Variants in ANKS1B observed in about 807,000 individuals in gnomAD.
ANKS1B encodes ankyrin repeat and sterile alpha motif domain containing 1B.
A neutral mutation model predicts 148.3 loss-of-function variants in ANKS1B; 36 were observed. The observed-to-expected ratio is 0.24, with a 90% CI of 0.19 to 0.32. The LOEUF is 0.32. ANKS1B is among the 10% of genes least tolerant of loss of function. The probability of loss-of-function intolerance (pLI) is 1.00; values close to 1 mark genes in which losing one functional copy is unlikely to be tolerated. For missense variants in ANKS1B, 1,157 were observed against 1,542.6 expected, an observed-to-expected ratio of 0.75 and a Z score of 4.19; for synonymous variants, 542 against 560.8, an observed-to-expected ratio of 0.97 and a Z score of 0.47.
At chr12:99,715,128 A>C (rs2057136689) in intron 8 of ANKS1B, among the ~76,000 whole-genome samples, 1 of 143,178 alleles carries the variant, frequency 7.0e-6, no homozygotes, top group Non-Finnish European at 1.6e-5. Context: ...GAGTCCATCT[A>C]AAAATAAAAA....
chr12:99,514,684 TA>T (rs1295778642), intron 9 of ANKS1B, among the ~76,000 whole-genome samples: 1 of 152,078 alleles, frequency 6.6e-6, no homozygotes, highest in African/African-American at 2.4e-5. Context: ...GTGTCAAAGA[TA>T]AAAATGACTA....
chr12:98,882,527 T>C (rs187824395), intron 17 of ANKS1B, among the ~76,000 whole-genome samples: 63 of 152,300 alleles, frequency 4.1e-4, no homozygotes, highest in Admixed American at 3.6e-3. Context: ...CAAAGATTAA[T>C]AACTGCTTTT....
At chr12:99,593,491 C>T (rs1007082660) in intron 9 of ANKS1B, among the ~76,000 whole-genome samples, 1 of 152,074 alleles carries the variant, frequency 6.6e-6, no homozygotes, top group Non-Finnish European at 1.5e-5. Context: ...AATGAACATT[C>T]TCTGCAACAA....
intron 14 of ANKS1B, among the ~76,000 whole-genome samples, chr12:99,181,201 A>G (rs2079072234): frequency 6.6e-6 from 1 of 151,798 alleles, no homozygotes. Context: ...TGTTATAGGG[A>G]TGTTAACCAT....
At chr12:98,864,570 G>A (rs973892358) in intron 17 of ANKS1B, among the ~76,000 whole-genome samples, 4 of 152,172 alleles carry the variant, frequency 2.6e-5, no homozygotes, top group African/African-American at 7.2e-5. Context: ...ACAAAGGACT[G>A]ACCTCCCGCA....
intron 12 of ANKS1B, among the ~76,000 whole-genome samples, chr12:99,392,613 T>C (rs1478651941): frequency 1.3e-5 from 2 of 152,212 alleles, no homozygotes; most frequent in Admixed American, 6.5e-5. Context: ...AAATTCTTCA[T>C]GTGGAAACAA....
At chr12:98,797,378 C>T (rs1419031326) in intron 22 of ANKS1B, among the ~76,000 whole-genome samples, 2 of 152,162 alleles carry the variant, frequency 1.3e-5, no homozygotes, top group Non-Finnish European at 2.9e-5. Context: ...AGTTATTCAA[C>T]CTCTGTAAGC....
intron 12 of ANKS1B, among the ~76,000 whole-genome samples, chr12:99,298,810 T>G (rs940239431): frequency 6.6e-6 from 1 of 152,186 alleles, no homozygotes; most frequent in Non-Finnish European, 1.5e-5. Context: ...AATATTAATA[T>G]TAAAAACTAA....
At chr12:99,097,491 A>G (rs2056586667) in intron 15 of ANKS1B, 2 of 152,202 alleles carry the variant, frequency 1.3e-5, no homozygotes, top group Non-Finnish European at 2.9e-5. Flanking sequence ...ATATCCTTCA[A>G]TTTATGTGTA....
At chr12:99,708,252 G>A (rs2056119385) in intron 8 of ANKS1B, among the ~76,000 whole-genome samples, 1 of 152,136 alleles carries the variant, frequency 6.6e-6, no homozygotes, top group Admixed American at 6.5e-5. Flanking sequence ...TCTCTTTAAT[G>A]ACCCGATGTC....
rs1303067697 is a variant in ANKS1B, at chr12:99,254,209, G to A, written c.1757-7345C>T. ...ATTAACTTTCTGATTTGGTTGCACG[G>A]TGGTTCTGTGGTTGTGTAAGAATGT... On this transcript the variant is annotated intron_variant, in intron 12 of 26. Coordinates refer to ENST00000683438, the MANE Select transcript of ANKS1B (RefSeq NM_001352186.2). Among the ~76,000 whole-genome samples the A allele has an allele frequency of 2.6e-5, 4 of 152,300 alleles. No individual in the cohort carries two copies. In the East Asian group the frequency reaches 7.7e-4, roughly 29 times the overall value.
At chr12:99,400,207 G>A (rs1413764978) in intron 11 of ANKS1B, among the ~76,000 whole-genome samples, 5 of 111,914 alleles carry the variant, frequency 4.5e-5, no homozygotes, top group African/African-American at 1.9e-4. Context: ...TAATAAAAGG[G>A]CCTTACAACA....
At chr12:99,202,997 A>G (rs2082243749) in intron 14 of ANKS1B, among the ~76,000 whole-genome samples, 1 of 152,228 alleles carries the variant, frequency 6.6e-6, no homozygotes, top group Non-Finnish European at 1.5e-5. Flanking sequence ...GCTTAGCCCC[A>G]GAATTAAAAT....
intron 12 of ANKS1B, among the ~76,000 whole-genome samples, chr12:99,317,717 G>A (rs2084407699): frequency 6.6e-6 from 1 of 152,188 alleles, no homozygotes; most frequent in East Asian, 1.9e-4. Context: ...TAGGAGTGGT[G>A]AGAGAGGGCA....
At chr12:99,788,831 C>A (rs1041134698) in intron 4 of ANKS1B, among the ~76,000 whole-genome samples, 1 of 152,042 alleles carries the variant, frequency 6.6e-6, no homozygotes, top group Non-Finnish European at 1.5e-5. Flanking sequence ...CCTAGAAGAA[C>A]CCTCGTGGAC....
chr12:99,811,052 T>G (rs540627192), intron 3 of ANKS1B, among the ~76,000 whole-genome samples: 6 of 152,112 alleles, frequency 3.9e-5, no homozygotes. Flanking sequence ...TTTTGTAACC[T>G]GTAAACATGG....
At chr12:99,821,870 C>T (rs1387077) in intron 2 of ANKS1B, among the ~76,000 whole-genome samples, 95,697 of 151,816 alleles carry the variant, frequency 0.63, 30,535 homozygotes, top group South Asian at 0.72. Flanking sequence ...AGAATAACAA[C>T]ATTCTCCTTT....
intron 1 of ANKS1B, among the ~76,000 whole-genome samples, chr12:99,866,558 T>C (rs1299424373): frequency 6.6e-6 from 1 of 152,188 alleles, no homozygotes; most frequent in Non-Finnish European, 1.5e-5. Context: ...ACTTAAGTAA[T>C]TTGAGTAGCT....
At chr12:99,015,934 A>G (rs942718680) in intron 17 of ANKS1B, among the ~76,000 whole-genome samples, 2 of 152,126 alleles carry the variant, frequency 1.3e-5, no homozygotes, top group Non-Finnish European at 2.9e-5. Context: ...CATTCAGTCT[A>G]TGACACTGAA....
Sources: allele counts gnomAD v4.1 joint callset (sites outside exome capture counted in the v4.1 genomes callset), GRCh38; gene constraint gnomAD v4.1.1; transcripts MANE v1.5; gene names NCBI Gene and HGNC (gene_info 2026-07-23, HGNC 2026-07-21).